Variants in SNX8 observed in about 807,000 individuals in gnomAD.
The protein encoded by SNX8 is sorting nexin 8.
SNX8 carries 25 observed loss-of-function variants against 51.6 expected under a neutral mutation model. The ratio of observed to expected loss-of-function variants is 0.48; its 90% CI spans 0.35 to 0.68. The LOEUF (loss-of-function observed/expected upper bound fraction) is 0.68, where lower values mean the gene tolerates loss of function less well. Among genes scored for constraint, SNX8 ranks in the 30% least tolerant of loss-of-function variants. SNX8 has a pLI of 0.00. For synonymous variants in SNX8, 324 were observed against 277.0 expected (o/e 1.17, Z -1.68); for missense variants, 695 against 624.0 (o/e 1.11, Z -1.21).
At chr7:2,351,563 T>C (rs1430623424) in intron 1 of SNX8, among the ~76,000 whole-genome samples, 4 of 149,324 alleles carry the variant, frequency 2.7e-5, no homozygotes, top group Admixed American at 6.7e-5. Flanking sequence ...CCAGGCGCAG[T>C]GGCTCACGCC....
In SNX8 at chr7:2,251,929, A is replaced by C. The variant is rs1288104320; in HGVS notation, c.*3127T>G. 6.6e-6 allele frequency: 1 copy of C among 152,296 alleles called. No homozygotes were observed. The highest frequency in any genetic ancestry group is 2.4e-5 in the African/African-American group (1 of 41,462). The allele number at this position is 152,296 out of a possible 1,614,324, so 9.4% of individuals were successfully genotyped here. The stretch of plus-strand genomic sequence containing the variant: ...AAGCAAGGGCAAAGGCCTCAGATGC[A>C]CAGAGCTGCCCTGACATCCCTTGGC... On this transcript the variant is annotated 3_prime_UTR_variant, in exon 11 of 11. Transcript: ENST00000222990.
intron 1 of SNX8, among the ~76,000 whole-genome samples, chr7:2,325,024 G>C (rs1778598843): frequency 6.6e-6 from 1 of 152,118 alleles, no homozygotes; most frequent in East Asian, 1.9e-4. Context: ...TTGTAGAATG[G>C]TGTCTCACTG....
At chr7:2,255,928 G>A (rs1235867988) in intron 10 of SNX8, among the ~76,000 whole-genome samples, 1 of 152,216 alleles carries the variant, frequency 6.6e-6, no homozygotes, top group Non-Finnish European at 1.5e-5. Flanking sequence ...GGCGCACCCT[G>A]GGGGCCTGCA....
chr7:2,305,183 A>C (rs1796519072), intron 1 of SNX8, among the ~76,000 whole-genome samples: 1 of 152,172 alleles, frequency 6.6e-6, no homozygotes, highest in South Asian at 2.1e-4. Context: ...TCTGCTGATC[A>C]ACCGCAGTGC....
chr7:2,303,172 G>A (rs866326210), intron 1 of SNX8, among the ~76,000 whole-genome samples: 18 of 147,560 alleles, frequency 1.2e-4, no homozygotes, highest in South Asian at 4.3e-4. Context: ...CTGCCCAGCC[G>A]TCCCTACTGG....
intron 1 of SNX8, among the ~76,000 whole-genome samples, chr7:2,351,433 T>C (rs946898865): frequency 5.9e-5 from 9 of 151,818 alleles, no homozygotes; most frequent in Admixed American, 1.3e-4. Flanking sequence ...GGATCTGTAC[T>C]ACCAGATACT....
intron 3 of SNX8, among the ~76,000 whole-genome samples, chr7:2,274,194 G>A (rs1795720269): frequency 6.6e-6 from 1 of 152,226 alleles, no homozygotes; most frequent in Non-Finnish European, 1.5e-5. Context: ...TCTGCTCTGT[G>A]GCCTTCACAT....
chr7:2,326,029 G>C (rs116519871), intron 1 of SNX8, among the ~76,000 whole-genome samples: 1,534 of 152,178 alleles, frequency 0.01, 34 homozygotes, highest in African/African-American at 0.034. Context: ...GCAAAGTATT[G>C]AAAGTGAGGC....
chr7:2,329,997 A>G (rs1778700172), intron 1 of SNX8, among the ~76,000 whole-genome samples: 1 of 123,626 alleles, frequency 8.1e-6, no homozygotes, highest in Admixed American at 9.8e-5. Flanking sequence ...ACCACGGCTA[A>G]TTTTTGTATT....
chr7:2,275,954 C>T (rs113629216), intron 2 of SNX8, among the ~76,000 whole-genome samples: 2,972 of 150,272 alleles, frequency 0.02, 39 homozygotes, highest in South Asian at 0.043. Context: ...GCTGAGATCA[C>T]GCCACTGCAC....
intron 1 of SNX8, among the ~76,000 whole-genome samples, chr7:2,282,339 G>C (rs1372171985): frequency 6.6e-6 from 1 of 152,154 alleles, no homozygotes; most frequent in Non-Finnish European, 1.5e-5. Flanking sequence ...AAGATAAACT[G>C]TGAGAGGGGG....
At chr7:2,295,274 C>T (rs939168040) in intron 1 of SNX8, among the ~76,000 whole-genome samples, 2 of 150,854 alleles carry the variant, frequency 1.3e-5, no homozygotes, top group African/African-American at 2.4e-5. Flanking sequence ...TGTGGTGGCA[C>T]GTGCCTGTAA....
At chr7:2,325,683 A>C (rs1778610495) in intron 1 of SNX8, among the ~76,000 whole-genome samples, 1 of 152,012 alleles carries the variant, frequency 6.6e-6, no homozygotes, top group Non-Finnish European at 1.5e-5. Context: ...TATACAAAAA[A>C]TTAGCTGGGT....
intron 7 of SNX8, among the ~76,000 whole-genome samples, chr7:2,258,606 G>A (rs1255523245): frequency 6.6e-6 from 1 of 152,222 alleles, no homozygotes; most frequent in African/African-American, 2.4e-5. Flanking sequence ...TCAGTAACAG[G>A]AGAGAGAAAC....
intron 1 of SNX8, among the ~76,000 whole-genome samples, chr7:2,280,079 G>C (rs1253379980): frequency 6.6e-6 from 1 of 152,102 alleles, no homozygotes; most frequent in East Asian, 1.9e-4. Context: ...GAAAGAAAGA[G>C]AAAAAACTCC....
intron 1 of SNX8, among the ~76,000 whole-genome samples, chr7:2,322,160 T>G (rs900570580): frequency 6.6e-6 from 1 of 152,190 alleles, no homozygotes; most frequent in Non-Finnish European, 1.5e-5. Context: ...TGGACAGAAC[T>G]TAGCATGCAG....
chr7:2,344,766 C>A (rs1000897986), intron 1 of SNX8, among the ~76,000 whole-genome samples: 2 of 151,214 alleles, frequency 1.3e-5, no homozygotes, highest in Non-Finnish European at 2.9e-5. Flanking sequence ...ACCAACAACA[C>A]GAAAATTAGC....
At chr7:2,258,172 G>A (rs1193574320) in intron 7 of SNX8, among the ~76,000 whole-genome samples, 2 of 152,020 alleles carry the variant, frequency 1.3e-5, no homozygotes, top group East Asian at 3.9e-4. Context: ...CACCATGCCC[G>A]GCTAATTTTT....
At chr7:2,338,201 A>G (rs896052699) in intron 1 of SNX8, among the ~76,000 whole-genome samples, 2 of 151,848 alleles carry the variant, frequency 1.3e-5, no homozygotes, top group Non-Finnish European at 2.9e-5. Flanking sequence ...GGTGGCTCAC[A>G]CCTGTAATCC....
Sources: gnomAD v4.1 joint callset for allele counts (sites outside exome capture counted in the v4.1 genomes callset) on GRCh38, gnomAD v4.1.1 for gene constraint, MANE v1.5 for transcripts, NCBI Gene and HGNC (gene_info 2026-07-23, HGNC 2026-07-21) for gene names.